Variants in ITGB3BP observed in about 807,000 individuals in gnomAD.
The protein encoded by ITGB3BP is integrin subunit beta 3 binding protein.
Under a neutral mutation model 29.1 loss-of-function variants are expected in ITGB3BP, and 27 were observed. That is an observed-to-expected ratio of 0.93 (90% CI 0.68 to 1.28). The LOEUF is 1.28. Among genes scored for constraint, ITGB3BP ranks in the 50% most tolerant of loss-of-function variants. ITGB3BP has a pLI of 0.00. For missense variants in ITGB3BP, 192 were observed against 200.2 expected (o/e 0.96, Z 0.25); for synonymous variants, 61 against 61.4 (o/e 0.99, Z 0.03).
chr1:63,513,419 C>T (rs544766375), intron 1 of ITGB3BP, among the ~76,000 whole-genome samples: 15 of 152,134 alleles, frequency 9.9e-5, no homozygotes, highest in South Asian at 6.2e-4. Flanking sequence ...GTACCCATAA[C>T]GCTTTGAGCA....
chr1:63,481,439 T>C (rs1645434922), intron 3 of ITGB3BP, among the ~76,000 whole-genome samples: 1 of 152,338 alleles, frequency 6.6e-6, no homozygotes. Context: ...ATTACTTTCC[T>C]TTATTTCATT....
At chr1:63,487,244 A>T (rs1645548548) in intron 3 of ITGB3BP, among the ~76,000 whole-genome samples, 1 of 151,966 alleles carries the variant, frequency 6.6e-6, no homozygotes, top group Admixed American at 6.6e-5. Flanking sequence ...AACTCCAAAA[A>T]ATTTTCCAGT....
upstream of ITGB3BP, among the ~76,000 whole-genome samples, chr1:63,527,364 T>A (rs1449667535): frequency 6.6e-6 from 1 of 152,250 alleles, no homozygotes; most frequent in African/African-American, 2.4e-5. Context: ...TTAGATAAAC[T>A]ATTTTTTAAA....
intron 1 of ITGB3BP, among the ~76,000 whole-genome samples, chr1:63,510,705 G>A (rs974983428): frequency 2.0e-5 from 3 of 152,116 alleles, no homozygotes; most frequent in Non-Finnish European, 4.4e-5. Context: ...CACATCTTGA[G>A]GGAGAGAAAC....
At chr1:63,477,512 G>C (rs992241528) in intron 4 of ITGB3BP, among the ~76,000 whole-genome samples, 2 of 152,060 alleles carry the variant, frequency 1.3e-5, no homozygotes, top group Non-Finnish European at 2.9e-5. Context: ...TGAGCCCAGG[G>C]GTTCAATACT....
At chr1:63,505,826 G>T (rs1038031663) in intron 2 of ITGB3BP, among the ~76,000 whole-genome samples, 3 of 152,288 alleles carry the variant, frequency 2.0e-5, no homozygotes, top group Admixed American at 6.5e-5. Flanking sequence ...GAGCGGTTTT[G>T]AGTGAGTTTC....
Position 63,454,367 on chromosome 1 carries a change from C to A in ITGB3BP, c.427+13G>T. ...TTTAAAATTACTGTCATTGAAAACTCAAAAATTCTTACTTAGTTCTTTGGT... is the reference window on the plus strand; with the variant it reads ...TTTAAAATTACTGTCATTGAAAACTAAAAAATTCTTACTTAGTTCTTTGGT... On this transcript the variant is annotated intron_variant, in intron 6 of 8. Transcript: ENST00000271002. The surrounding 1 kb of genome is among the most constrained non-coding windows in gnomAD (Gnocchi z 4.1). 1 of 1,427,868 alleles carries A rather than the reference C, an allele frequency of 7.0e-7. No homozygotes were observed. Among genetic ancestry groups the A allele is most frequent in the African/African-American group, 1.4e-5 (1 of 70,510 alleles). 88.4% of individuals were successfully genotyped at this position (1,427,868 alleles called of 1,614,324 possible). A position where few individuals can be genotyped will look rare whatever the true frequency, so the allele number is the denominator to read the frequency against.
chr1:63,444,654 C>T lies in ITGB3BP; in HGVS notation c.*1+2152G>A, dbSNP rs184967661. ...GGAGATATATATATATCTCCTATTA[C>T]AATATATATATATCTCCTATTACAT... On this transcript the variant is annotated intron_variant, in intron 8 of 8. Transcript: ENST00000271002. Among the ~76,000 whole-genome samples, 10 of 117,708 alleles carry T rather than the reference C, an allele frequency of 8.5e-5. No individual in the cohort carries two copies. The East Asian group carries it at 2.5e-3, about 29-fold the overall frequency. 77.2% of individuals were successfully genotyped at this position (117,708 alleles called of 152,430 possible).
intron 4 of ITGB3BP, among the ~76,000 whole-genome samples, chr1:63,464,993 A>T (rs977785782): frequency 2.0e-5 from 3 of 152,202 alleles, no homozygotes; most frequent in Non-Finnish European, 2.9e-5. Flanking sequence ...TGAATCCTGC[A>T]TCAAGAGAAA....
intron 3 of ITGB3BP, among the ~76,000 whole-genome samples, chr1:63,484,873 A>C (rs890642134): frequency 4.6e-5 from 7 of 151,874 alleles, no homozygotes; most frequent in Non-Finnish European, 7.4e-5. Context: ...GTCATATTTC[A>C]TTATGTTTTG....
chr1:63,456,454 C>G lies in ITGB3BP; in HGVS notation c.255-1486G>C, dbSNP rs190007461. Among the ~76,000 whole-genome samples, 42 of 152,258 alleles carry G rather than the reference C, an allele frequency of 2.8e-4. 1 individual carries two copies. The highest frequency in any genetic ancestry group is 8.2e-4 in the African/African-American group (34 of 41,552). ...AGATGGTATCATAAAGGAATTCCTG[C>G]TTCTTCAAATTGGATCCAAAGACCT... On this transcript the variant is annotated intron_variant, in intron 4 of 8. Coordinates refer to ENST00000271002, the MANE Select transcript of ITGB3BP (RefSeq NM_014288.5).
chr1:63,493,387 C>T (rs981826857), intron 2 of ITGB3BP, among the ~76,000 whole-genome samples: 4 of 151,978 alleles, frequency 2.6e-5, no homozygotes, highest in African/African-American at 9.7e-5. Context: ...CGCACTCTAG[C>T]CTGGGCGACA....
At chr1:63,503,646 G>A (rs559443673) in intron 2 of ITGB3BP, among the ~76,000 whole-genome samples, 20 of 151,962 alleles carry the variant, frequency 1.3e-4, no homozygotes, top group Admixed American at 1.2e-3. Context: ...ATGGTTTTAG[G>A]TCTAACATTT....
At chr1:63,473,701 C>T (rs1176747249) in intron 4 of ITGB3BP, among the ~76,000 whole-genome samples, 22 of 70,928 alleles carry the variant, frequency 3.1e-4, no homozygotes, top group African/African-American at 6.9e-4. Flanking sequence ...CCAGCCGCCC[C>T]GTCCGGGAGG....
intron 2 of ITGB3BP, among the ~76,000 whole-genome samples, chr1:63,499,156 G>GTTTTTT (rs57626823): frequency 8.5e-6 from 1 of 118,072 alleles, no homozygotes; most frequent in South Asian, 2.9e-4. Flanking sequence ...TTCCACTAGC[G>GTTTTTT]TTTTTTTTTT....
At chr1:63,443,826 C>T (rs1644757449) in intron 8 of ITGB3BP, among the ~76,000 whole-genome samples, 1 of 151,780 alleles carries the variant, frequency 6.6e-6, no homozygotes, top group African/African-American at 2.4e-5. Context: ...TGATATAATC[C>T]CTAGAAAGGT....
intron 3 of ITGB3BP, 77 bp downstream of exon 3, chr1:63,490,006 C>G (rs1313434083): frequency 1.6e-5 from 21 of 1,283,560 alleles, no homozygotes; most frequent in Non-Finnish European, 1.9e-5. Flanking sequence ...AAGATCCATA[C>G]ATAATTAAAT....
At chr1:63,516,294 C>T (rs1478214245) in intron 1 of ITGB3BP, among the ~76,000 whole-genome samples, 15 of 24,246 alleles carry the variant, frequency 6.2e-4, no homozygotes, top group Middle Eastern at 0.033. Context: ...AAGACCATGT[C>T]TCAAAAAAAA....
chr1:63,523,261 G>C (rs1418020901), upstream of ITGB3BP: 4 of 1,268,588 alleles, frequency 3.2e-6, no homozygotes, highest in African/African-American at 3.0e-5. Flanking sequence ...CAAGCCCACC[G>C]CGGCCGGGCG....
Sources: gnomAD v4.1 joint callset for allele counts (sites outside exome capture counted in the v4.1 genomes callset) on GRCh38, gnomAD v4.1.1 for gene constraint, Gnocchi (gnomAD v3.1) non-coding constraint, MANE v1.5 for transcripts, NCBI Gene and HGNC (gene_info 2026-07-23, HGNC 2026-07-21) for gene names.